FGF14: variants seen among roughly 807,000 people sequenced by gnomAD.
FGF14 encodes fibroblast growth factor 14, also known as fibroblast growth factor homologous factor 4.
FGF14 carries 5 observed loss-of-function variants against 25.5 expected under a neutral mutation model. The observed-to-expected ratio is 0.20, with a 90% confidence interval of 0.10 to 0.41. FGF14 has a LOEUF of 0.41. Ranked by LOEUF, FGF14 falls within the 10% of genes least tolerant of loss-of-function variation. The probability of loss-of-function intolerance (pLI) is 1.00; values close to 1 mark genes in which losing one functional copy is unlikely to be tolerated. For missense variants in FGF14, 222 were observed against 320.1 expected, an observed-to-expected ratio of 0.69 and a Z score of 2.34; for synonymous variants, 138 against 118.3, an observed-to-expected ratio of 1.17 and a Z score of -1.08.
intron 3 of FGF14, among the ~76,000 whole-genome samples, chr13:101,851,781 A>T (rs553529494): frequency 1.3e-5 from 2 of 152,236 alleles, no homozygotes; most frequent in South Asian, 4.1e-4. Context: ...CACAATTGAA[A>T]AGCCATCATT....
intron 1 of FGF14, among the ~76,000 whole-genome samples, chr13:101,955,486 C>T (rs1390996798): frequency 6.6e-6 from 1 of 152,182 alleles, no homozygotes; most frequent in African/African-American, 2.4e-5. Context: ...AATTAGCTTT[C>T]CACATGATTT....
chr13:101,862,254 T>G (rs192408805), intron 3 of FGF14, among the ~76,000 whole-genome samples: 13 of 152,094 alleles, frequency 8.5e-5, no homozygotes, highest in African/African-American at 3.1e-4. Context: ...CATCCTCCCA[T>G]CCTCTCTCCT....
chr13:102,306,315 C>A (rs1427058015), intron 1 of FGF14, among the ~76,000 whole-genome samples: 1 of 152,148 alleles, frequency 6.6e-6, no homozygotes, highest in African/African-American at 2.4e-5. Context: ...AAGAGCCATT[C>A]CTGGCTGTGG....
rs574377567 is a variant in FGF14 at position 101,718,049 on chromosome 13, T to A, written c.*4782A>T. On this transcript the variant is annotated 3_prime_UTR_variant, in exon 5 of 5. Transcript: ENST00000376143. ...TAAAAAGTTCAAAATGTGATTCATC[T>A]AAAATTTTGGACAAAGATGAAAATA... is the stretch of plus-strand genomic sequence containing the variant. The A allele has an allele frequency of 1.2e-4, 19 of 152,270 alleles. No individual in the cohort carries two copies. The highest frequency in any genetic ancestry group is 4.6e-4 in the African/African-American group (19 of 41,574). 9.4% of individuals were successfully genotyped at this position (152,270 alleles called of 1,614,324 possible).
rs1180074869 is a variant in FGF14 at position 102,135,373 on chromosome 13, T to C, written c.209-260077A>G. Among the ~76,000 whole-genome samples, 3 of 152,216 alleles carry C rather than the reference T, an allele frequency of 2.0e-5. No individual in the cohort carries two copies. The East Asian group carries it at 5.8e-4, about 29-fold the overall frequency. ...CAAGTCAATTACGTGGAACAAAGTC[T>C]GCTTGCACCATGAGAAAGCTCAGCA... On this transcript the variant is annotated intron_variant, in intron 1 of 4. Coordinates refer to the FGF14 transcript ENST00000376131.
At chr13:101,898,479 GATCAA>G (rs2031062285) in intron 1 of FGF14, among the ~76,000 whole-genome samples, 2 of 151,802 alleles carry the variant, frequency 1.3e-5, no homozygotes, top group Non-Finnish European at 2.9e-5. Flanking sequence ...TGTTCTGAAA[GATCAA>G]ATCAAATAAA....
At chr13:102,331,079 C>T (rs2056620359) in intron 1 of FGF14, among the ~76,000 whole-genome samples, 2 of 152,156 alleles carry the variant, frequency 1.3e-5, no homozygotes, top group South Asian at 2.1e-4. Flanking sequence ...ATTCAGTTTT[C>T]TTCACTGTAA....
At chr13:102,365,327 G>T (rs1260738476) in intron 1 of FGF14, among the ~76,000 whole-genome samples, 1 of 151,996 alleles carries the variant, frequency 6.6e-6, no homozygotes, top group Non-Finnish European at 1.5e-5. Flanking sequence ...CCATGGAAAT[G>T]GAAAGATCTG....
At chr13:102,355,545 T>C (rs535721338) in intron 1 of FGF14, among the ~76,000 whole-genome samples, 26 of 149,862 alleles carry the variant, frequency 1.7e-4, no homozygotes, top group Admixed American at 4.0e-4. Context: ...CTTAGGACAG[T>C]GGAAACTCCC....
At chr13:102,039,436 A>G (rs1347503806) in intron 1 of FGF14, among the ~76,000 whole-genome samples, 1 of 152,116 alleles carries the variant, frequency 6.6e-6, no homozygotes, top group Non-Finnish European at 1.5e-5. Flanking sequence ...GGGCGGTAGA[A>G]GCCAAAATCA....
chr13:102,227,019 C>T (rs932726979), intron 1 of FGF14, among the ~76,000 whole-genome samples: 3 of 152,096 alleles, frequency 2.0e-5, no homozygotes, highest in Admixed American at 6.6e-5. Context: ...AGCCACTTTT[C>T]CTATATTCTA....
intron 3 of FGF14, among the ~76,000 whole-genome samples, chr13:101,859,528 AATTC>A (rs1156301691): frequency 1.3e-5 from 2 of 152,174 alleles, no homozygotes; most frequent in East Asian, 3.9e-4. Flanking sequence ...CAAATAAATG[AATTC>A]ATTAATATAC....
chr13:101,927,365 G>A (rs772256803), intron 1 of FGF14, among the ~76,000 whole-genome samples: 13 of 152,276 alleles, frequency 8.5e-5, no homozygotes, highest in African/African-American at 2.9e-4. Flanking sequence ...ACACCTAATC[G>A]ATGCAGTCAG....
chr13:101,916,351 G>T (rs139433889), intron 1 of FGF14, 102 bp downstream of exon 1: 2 of 1,425,782 alleles, frequency 1.4e-6, no homozygotes, highest in Non-Finnish European at 2.0e-6. Flanking sequence ...CGGGGCCGGG[G>T]TGGGCCGGGA....
At position 102,102,171 on chromosome 13, in the gene FGF14, T is replaced by C. The variant is rs1396710787; in HGVS notation, c.209-226875A>G. Among the ~76,000 whole-genome samples the C allele has an allele frequency of 2.6e-5, 4 of 152,226 alleles. No homozygotes were observed. In the East Asian group the frequency reaches 7.7e-4, roughly 29 times the overall value. On this transcript the variant is annotated intron_variant, in intron 1 of 4. Transcript: ENST00000376131. ...ATGATCATATATGTATCAGGCATTT[T>C]CCAAGTGCTCTCAGCTAAACCATTT...
At chr13:101,912,523 C>T (rs985685983) in intron 1 of FGF14, among the ~76,000 whole-genome samples, 2 of 152,098 alleles carry the variant, frequency 1.3e-5, no homozygotes, top group African/African-American at 4.8e-5. Context: ...CTTTAGTTTT[C>T]ATTTTTGTTA....
chr13:101,991,976 A>T (rs2038933384), intron 1 of FGF14, among the ~76,000 whole-genome samples: 1 of 152,156 alleles, frequency 6.6e-6, no homozygotes, highest in Admixed American at 6.6e-5. Flanking sequence ...GTTTTGCCAA[A>T]GCATAACCCA....
At chr13:101,892,587 T>C (rs1018958985) in intron 1 of FGF14, among the ~76,000 whole-genome samples, 10 of 152,038 alleles carry the variant, frequency 6.6e-5, no homozygotes, top group African/African-American at 2.4e-4. Context: ...AAAGGGAAAA[T>C]GAATTTGCAG....
chr13:101,868,128 G>A (rs1417386685), intron 3 of FGF14, among the ~76,000 whole-genome samples: 1 of 151,982 alleles, frequency 6.6e-6, no homozygotes, highest in Non-Finnish European at 1.5e-5. Flanking sequence ...TAAACCTGTG[G>A]CAGAAATAAA....
Sources: allele counts gnomAD v4.1 joint callset (sites outside exome capture counted in the v4.1 genomes callset), GRCh38; gene constraint gnomAD v4.1.1; transcripts MANE v1.5; gene names NCBI Gene and HGNC (gene_info 2026-07-23, HGNC 2026-07-21).